The following CPNE4 variants were observed in gnomAD, a reference collection of about 807,000 sequenced individuals.
CPNE4 encodes the protein copine 4, also known as copine-4.
CPNE4 carries 25 observed loss-of-function variants against 67.9 expected under a neutral mutation model. That is an observed-to-expected ratio of 0.37 (90% CI 0.27 to 0.51). The LOEUF is 0.51. Ranked by LOEUF, CPNE4 falls within the 20% of genes least tolerant of loss-of-function variation. The pLI is 0.93. For missense variants in CPNE4, 464 were observed against 690.8 expected (o/e 0.67, Z 3.68); for synonymous variants, 242 against 244.9 (o/e 0.99, Z 0.11).
At chr3:131,538,318 G>GT (rs746794035) in intron 15 of CPNE4, among the ~76,000 whole-genome samples, 2 of 152,184 alleles carry the variant, frequency 1.3e-5, no homozygotes, top group African/African-American at 2.4e-5. Context: ...GAATTTAAAC[G>GT]TAAGTAGCTA....
chr3:131,770,923 T>C (rs1482346027), intron 2 of CPNE4, among the ~76,000 whole-genome samples: 1 of 152,180 alleles, frequency 6.6e-6, no homozygotes, highest in African/African-American at 2.4e-5. Context: ...ACATTACATA[T>C]CTTTTCAAAA....
chr3:131,794,894 C>A (rs2083877139), intron 2 of CPNE4, among the ~76,000 whole-genome samples: 1 of 152,136 alleles, frequency 6.6e-6, no homozygotes, highest in Non-Finnish European at 1.5e-5. Flanking sequence ...CCAAGGCAGT[C>A]GCCTTCCTTA....
At chr3:131,904,227 A>G (rs2088659386) in intron 2 of CPNE4, among the ~76,000 whole-genome samples, 1 of 152,126 alleles carries the variant, frequency 6.6e-6, no homozygotes, top group Non-Finnish European at 1.5e-5. Context: ...AAAGCTGGTT[A>G]AAACTGCATG....
intron 2 of CPNE4, among the ~76,000 whole-genome samples, chr3:131,727,259 C>G (rs760465209): frequency 6.6e-6 from 1 of 152,098 alleles, no homozygotes; most frequent in South Asian, 2.1e-4. Context: ...TGGTGAGAGA[C>G]TCAACCATTG....
At chr3:132,037,531 A>G (rs1569281), upstream of CPNE4, 1,055,770 of 1,525,830 alleles carry the variant, frequency 0.69, 371,381 homozygotes, top group South Asian at 0.75. Flanking sequence ...TTGTAACATC[A>G]AAATCCCCTT....
At chr3:131,589,204 G>T (rs939583277) in intron 7 of CPNE4, among the ~76,000 whole-genome samples, 1 of 152,122 alleles carries the variant, frequency 6.6e-6, no homozygotes, top group Non-Finnish European at 1.5e-5. Context: ...TAGTGGCTCA[G>T]TTCAAGTCTA....
chr3:131,591,797 G>A (rs1483487918), intron 7 of CPNE4, among the ~76,000 whole-genome samples: 1 of 152,182 alleles, frequency 6.6e-6, no homozygotes, highest in African/African-American at 2.4e-5. Context: ...GCTGGCTTAT[G>A]ACAGCTCTGA....
intron 2 of CPNE4, among the ~76,000 whole-genome samples, chr3:131,768,500 A>G (rs2107828581): frequency 6.6e-6 from 1 of 152,190 alleles, no homozygotes; most frequent in East Asian, 1.9e-4. Context: ...GAATCTTTCA[A>G]TTTTAAGAAA....
chr3:131,950,396 T>C (rs1234128030), intron 1 of CPNE4, among the ~76,000 whole-genome samples: 1 of 152,152 alleles, frequency 6.6e-6, no homozygotes, highest in African/African-American at 2.4e-5. Context: ...CTTTTAATAG[T>C]AAAACCACCA....
chr3:131,983,909 A>C (rs927837146), intron 1 of CPNE4, among the ~76,000 whole-genome samples: 26 of 152,192 alleles, frequency 1.7e-4, no homozygotes, highest in Admixed American at 1.7e-3. Flanking sequence ...GTGTCTTCAA[A>C]TCACAAATTA....
At chr3:131,538,173 C>A (rs1259819382) in intron 15 of CPNE4, among the ~76,000 whole-genome samples, 2 of 152,238 alleles carry the variant, frequency 1.3e-5, no homozygotes, top group Non-Finnish European at 2.9e-5. Context: ...TCAAATAGAT[C>A]TTCCTCTGAT....
intron 7 of CPNE4, among the ~76,000 whole-genome samples, chr3:131,613,976 T>C (rs1310915738): frequency 6.6e-6 from 1 of 152,198 alleles, no homozygotes; most frequent in East Asian, 1.9e-4. Flanking sequence ...GTTTGGTGGA[T>C]TGTCATTTGG....
intron 3 of CPNE4, among the ~76,000 whole-genome samples, chr3:131,715,817 T>G (rs548209236): frequency 6.6e-6 from 1 of 152,312 alleles, no homozygotes; most frequent in African/African-American, 2.4e-5. Context: ...CAGCTTGCTG[T>G]TCTAGGCAGT....
intron 2 of CPNE4, among the ~76,000 whole-genome samples, chr3:131,775,495 T>C (rs1486732648): frequency 6.6e-6 from 1 of 152,078 alleles, no homozygotes; most frequent in Non-Finnish European, 1.5e-5. Flanking sequence ...CCAATTCCCA[T>C]GTGTTATGGG....
intron 1 of CPNE4, among the ~76,000 whole-genome samples, chr3:131,924,376 CAT>C (rs1356593340): frequency 6.6e-6 from 1 of 152,136 alleles, no homozygotes; most frequent in African/African-American, 2.4e-5. Context: ...CACCAAATAT[CAT>C]AGACATCATC....
chr3:131,638,757 C>T (rs1475112246), intron 7 of CPNE4, among the ~76,000 whole-genome samples: 2 of 152,058 alleles, frequency 1.3e-5, no homozygotes, highest in East Asian at 3.8e-4. Context: ...CCAAGATAGA[C>T]CATATGATAG....
intron 1 of CPNE4, among the ~76,000 whole-genome samples, chr3:131,961,031 G>A (rs2072153974): frequency 1.3e-5 from 2 of 152,178 alleles, no homozygotes; most frequent in East Asian, 3.9e-4. Context: ...ACAAGAAAAA[G>A]AGGTATAGAA....
chr3:131,779,389 A>G (rs1197443401), intron 2 of CPNE4, among the ~76,000 whole-genome samples: 1 of 152,140 alleles, frequency 6.6e-6, no homozygotes, highest in African/African-American at 2.4e-5. Flanking sequence ...ATCCTAAGCA[A>G]AAAGAACAAA....
chr3:131,641,801 A>G (rs763766354), intron 7 of CPNE4, among the ~76,000 whole-genome samples: 6 of 152,218 alleles, frequency 3.9e-5, no homozygotes, highest in East Asian at 1.9e-4. Context: ...TGGTATTTAT[A>G]TATACCATGG....
Sources: allele counts gnomAD v4.1 joint callset (sites outside exome capture counted in the v4.1 genomes callset), GRCh38; gene constraint gnomAD v4.1.1; transcripts MANE v1.5; gene names NCBI Gene and HGNC (gene_info 2026-07-23, HGNC 2026-07-21).